Variants in MBD5 observed in about 807,000 individuals in gnomAD.
MBD5 encodes the protein methyl-CpG-binding domain protein 5.
A neutral mutation model predicts 117.3 loss-of-function variants in MBD5; 13 were observed. The ratio of observed to expected loss-of-function variants is 0.11; its 90% confidence interval spans 0.07 to 0.18. The LOEUF is 0.18. Ranked by LOEUF, MBD5 falls within the 10% of genes least tolerant of loss-of-function variation. The probability of loss-of-function intolerance (pLI) is 1.00; values close to 1 mark genes in which losing one functional copy is unlikely to be tolerated. For missense variants in MBD5, 1,879 were observed against 2,093.8 expected (o/e 0.90, Z 2.00); for synonymous variants, 727 against 766.4 (o/e 0.95, Z 0.85).
intron 4 of MBD5, among the ~76,000 whole-genome samples, chr2:148,390,558 T>TGG (rs1704540770): frequency 2.9e-5 from 2 of 68,308 alleles, no homozygotes; most frequent in Non-Finnish European, 5.7e-5. Context: ...TATACGTGTA[T>TGG]GTGTGTATAT....
intron 4 of MBD5, among the ~76,000 whole-genome samples, chr2:148,352,319 A>G (rs536405369): frequency 7.0e-4 from 106 of 152,190 alleles, no homozygotes; most frequent in African/African-American, 2.5e-3. Flanking sequence ...TTATTTTGAA[A>G]TAATTATATA....
chr2:148,330,253 G>A (rs1702609395), intron 3 of MBD5, among the ~76,000 whole-genome samples: 1 of 152,008 alleles, frequency 6.6e-6, no homozygotes. Flanking sequence ...TGACAGTTTT[G>A]AGCATCATTG....
At chr2:148,237,052 C>T (rs1205227729) in intron 3 of MBD5, among the ~76,000 whole-genome samples, 1 of 152,202 alleles carries the variant, frequency 6.6e-6, no homozygotes, top group East Asian at 1.9e-4. Flanking sequence ...AGCTTCCTCA[C>T]CTCTCTCAGC....
intron 1 of MBD5, among the ~76,000 whole-genome samples, chr2:148,114,930 T>C (rs1007471666): frequency 9.9e-5 from 15 of 152,136 alleles, no homozygotes; most frequent in African/African-American, 3.6e-4. Context: ...TAAAAATTCC[T>C]ACCTGTAACA....
chr2:148,464,802 T>TAAAA (rs10693462), intron 7 of MBD5, among the ~76,000 whole-genome samples: 3 of 146,172 alleles, frequency 2.1e-5, no homozygotes, highest in Non-Finnish European at 3.0e-5. Flanking sequence ...TAAAATAATT[T>TAAAA]AAAAAAAAAA....
intron 3 of MBD5, among the ~76,000 whole-genome samples, chr2:148,245,683 G>T (rs528155222): frequency 3.9e-4 from 60 of 152,136 alleles, no homozygotes; most frequent in African/African-American, 1.3e-3. Context: ...TGGGCTTTGG[G>T]CTGGTACCTA....
intron 3 of MBD5, among the ~76,000 whole-genome samples, chr2:148,322,092 C>T (rs367782536): frequency 9.7e-4 from 148 of 152,314 alleles, no homozygotes; most frequent in African/African-American, 3.4e-3. Context: ...AGTTCTTCCT[C>T]GCTCTGGAGA....
At position 148,470,365 on chromosome 2, in the gene MBD5, C is replaced by T. The variant is rs1484603833; in HGVS notation, c.2422C>T (p.His808Tyr). The T allele has an allele frequency of 6.2e-7, 1 of 1,613,810 alleles. No individual in the cohort carries two copies. Among genetic ancestry groups the T allele is most frequent in the Non-Finnish European group, 8.5e-7 (1 of 1,179,814 alleles). Residue 808 changes from histidine (H) to tyrosine (Y), a missense_variant, in exon 8 of 14, where the codon CAT becomes TAT. Physicochemically the swap from His to Tyr is moderately conservative, Grantham distance 83 (BLOSUM62 2). Coordinates refer to ENST00000642680, the MANE Select transcript of MBD5 (RefSeq NM_001378120.1). The stretch of plus-strand genomic sequence containing the variant: ...GGGCATGGCTTTAGGAAATTCCTTA[C>T]ATCCCAATCCACCTCAGTCAAGAAT... Reference protein sequence around the residue: ...QSGMALGNSLHPNPPQSRIST... With the variant: ...QSGMALGNSLYPNPPQSRIST...
At chr2:148,247,148 C>A (rs1033597282) in intron 3 of MBD5, among the ~76,000 whole-genome samples, 4 of 152,068 alleles carry the variant, frequency 2.6e-5, no homozygotes, top group African/African-American at 4.8e-5. Flanking sequence ...CCACCTAATT[C>A]TTTTCCTGTC....
At chr2:148,387,286 C>A (rs1359936542) in intron 4 of MBD5, among the ~76,000 whole-genome samples, 1 of 151,852 alleles carries the variant, frequency 6.6e-6, no homozygotes, top group Non-Finnish European at 1.5e-5. Context: ...AGCATATTAA[C>A]AGATTAATAG....
chr2:148,052,013 T>G (rs1349030309), intron 1 of MBD5, among the ~76,000 whole-genome samples: 1 of 152,050 alleles, frequency 6.6e-6, no homozygotes, highest in African/African-American at 2.4e-5. Flanking sequence ...AGTGACATTC[T>G]TGTTATCATT....
chr2:148,095,014 G>A (rs1482482436), intron 1 of MBD5, among the ~76,000 whole-genome samples: 3 of 152,066 alleles, frequency 2.0e-5, no homozygotes, highest in African/African-American at 7.2e-5. Context: ...GAATCATCCT[G>A]AATTATTGGA....
chr2:148,488,486 G>A (rs1470679512), intron 10 of MBD5, among the ~76,000 whole-genome samples: 1 of 152,046 alleles, frequency 6.6e-6, no homozygotes, highest in East Asian at 1.9e-4. Flanking sequence ...ATTTTGCCTG[G>A]TAAATGTAGA....
chr2:148,469,334 C>A lies in MBD5; in HGVS notation c.1391C>A (p.Ser464Tyr). Reference protein sequence around the residue: ...EASPQRSRSSSTSSDHGNFMM... With the variant: ...EASPQRSRSSYTSSDHGNFMM... ...TCGCCCCAAAGATCACGCTCATCTTCCACATCATCAGATCATGGAAATTTC... is the reference window on the plus strand; with the variant it reads ...TCGCCCCAAAGATCACGCTCATCTTACACATCATCAGATCATGGAAATTTC... The change falls in exon 8 of 14, where the codon TCC (serine) becomes TAC (tyrosine). Residue 464 changes from serine (S) to tyrosine (Y), a missense_variant. This residue lies in a region of MBD5 where 1,666 missense variants were observed against 1,792.2 expected (regional missense o/e 0.93). Transcript: ENST00000642680. 1 of 1,613,758 alleles carries A rather than the reference C, an allele frequency of 6.2e-7. No individual in the cohort carries two copies. Among genetic ancestry groups the A allele is most frequent in the Non-Finnish European group, 8.5e-7 (1 of 1,179,940 alleles).
chr2:148,088,808 C>T (rs1311678013), intron 1 of MBD5, among the ~76,000 whole-genome samples: 2 of 151,950 alleles, frequency 1.3e-5, no homozygotes, highest in Admixed American at 1.3e-4. Flanking sequence ...TGAAAAAAAT[C>T]TAAGGTATTC....
chr2:148,440,746 C>T (rs559991477), intron 4 of MBD5, among the ~76,000 whole-genome samples: 82 of 152,226 alleles, frequency 5.4e-4, no homozygotes, highest in African/African-American at 2.0e-3. Flanking sequence ...TGGCAAGTGC[C>T]GTAACATACA....
At position 148,470,033 on chromosome 2, in the gene MBD5, C is replaced by G; in HGVS notation, c.2090C>G (p.Pro697Arg). 1 of 1,613,808 alleles carries G rather than the reference C, an allele frequency of 6.2e-7. No individual in the cohort carries two copies. The highest frequency in any genetic ancestry group is 8.5e-7 in the Non-Finnish European group (1 of 1,179,850). ...AGGAAGCAGGGTCAGGGTTCATTTC[C>G]CATCAGTTCAATGTCTCAGTTACTA... ...LLRKQGQGSFPISSMSQLLQS... is the reference protein window; with the variant it reads ...LLRKQGQGSFRISSMSQLLQS... The change falls in exon 8 of 14, where the codon CCC becomes CGC. Residue 697 changes from proline to arginine, a missense_variant. Around this residue, in one of 4 missense-constraint regions of MBD5, gnomAD observed 1,666 missense variants for 1,792.2 expected, o/e 0.93. Transcript: ENST00000642680.
At chr2:148,505,258 T>G (rs1357584823) in intron 12 of MBD5, among the ~76,000 whole-genome samples, 1 of 152,178 alleles carries the variant, frequency 6.6e-6, no homozygotes, top group Non-Finnish European at 1.5e-5. Flanking sequence ...AGGGGGAAGC[T>G]GTTCAGTACA....
chr2:148,142,835 T>C (rs145881354), intron 1 of MBD5, among the ~76,000 whole-genome samples: 2 of 152,230 alleles, frequency 1.3e-5, no homozygotes, highest in East Asian at 1.9e-4. Flanking sequence ...CGGAAGAGTA[T>C]ATAAAAATTG....
Sources: allele counts gnomAD v4.1 joint callset (sites outside exome capture counted in the v4.1 genomes callset), GRCh38; gene constraint gnomAD v4.1.1; regional missense constraint gnomAD v4.1.1; transcripts MANE v1.5; gene names NCBI Gene and HGNC (gene_info 2026-07-23, HGNC 2026-07-21).